PSPH: variants seen among roughly 807,000 people sequenced by gnomAD.
PSPH encodes the protein L-3-phosphoserine phosphatase.
A neutral mutation model predicts 23.4 loss-of-function variants in PSPH; 16 were observed. That is an observed-to-expected ratio of 0.68 (90% CI 0.46 to 1.04). PSPH has a LOEUF of 1.04. PSPH is among the 50% of genes least tolerant of loss of function. The pLI is 0.00. For missense variants in PSPH, 223 were observed against 273.7 expected, an observed-to-expected ratio of 0.81 and a Z score of 1.31; for synonymous variants, 68 against 99.7, an observed-to-expected ratio of 0.68 and a Z score of 1.89.
chr7:56,029,982 A>C (rs1038766299), intron 3 of PSPH, among the ~76,000 whole-genome samples: 9 of 145,520 alleles, frequency 6.2e-5, no homozygotes, highest in Admixed American at 6.9e-5. Context: ...CCATCTCAAA[A>C]AAAAAAAAAG....
intron 4 of PSPH, among the ~76,000 whole-genome samples, chr7:56,020,287 A>C (rs1789183734): frequency 1.3e-5 from 2 of 152,100 alleles, no homozygotes; most frequent in Non-Finnish European, 2.9e-5. Flanking sequence ...GTCATAAATC[A>C]AGAAAGAGAC....
At chr7:56,039,148 CAAA>C (rs34620559) in intron 1 of PSPH, among the ~76,000 whole-genome samples, 3 of 56,618 alleles carry the variant, frequency 5.3e-5, no homozygotes, top group Admixed American at 1.9e-4. Context: ...AACTCTGTCT[CAAA>C]AAAAAAAAAA....
chr7:56,011,067 T>C lies in PSPH; in HGVS notation c.*695A>G, dbSNP rs201698440. The C allele has an allele frequency of 1.3e-5, 2 of 152,596 alleles. No individual in the cohort carries two copies. Among genetic ancestry groups the C allele is most frequent in the Admixed American group, 1.3e-4 (2 of 15,280 alleles). 9.5% of individuals were successfully genotyped at this position (152,596 alleles called of 1,614,324 possible). ...AACTGAAAATTCCACAAATCCGTTC[T>C]GACATACGGATAAACTTTTATTGAC... is the stretch of plus-strand genomic sequence containing the variant. On this transcript the variant is annotated 3_prime_UTR_variant, in exon 8 of 8. Transcript: ENST00000275605.
intron 1 of PSPH, among the ~76,000 whole-genome samples, chr7:56,040,401 A>T (rs2117081697): frequency 6.6e-6 from 1 of 151,706 alleles, no homozygotes; most frequent in African/African-American, 2.4e-5. Context: ...ATTTATTTTT[A>T]TTTTTTTGGG....
Position 56,051,191 on chromosome 7 carries a change from A to G in PSPH, c.-345T>C, listed in dbSNP as rs969867996. 2.6e-5 allele frequency: 4 copies of G among 152,290 alleles called. No homozygotes were observed. The highest frequency in any genetic ancestry group is 7.2e-5 in the African/African-American group (3 of 41,470). The allele number at this position is 152,290 out of a possible 1,614,324, so 9.4% of individuals were successfully genotyped here. A position where few individuals can be genotyped will look rare whatever the true frequency, so the allele number is the denominator to read the frequency against. Reference sequence around the variant, plus strand: ...AATGACTCTACAAGGGTGAATTTTCAAATCTGCCATAGGGGCCTCGGGCCT... The same window carrying G: ...AATGACTCTACAAGGGTGAATTTTCGAATCTGCCATAGGGGCCTCGGGCCT... On this transcript the variant is annotated 5_prime_UTR_variant, in exon 1 of 8. Transcript: ENST00000275605.
intron 5 of PSPH, among the ~76,000 whole-genome samples, chr7:56,018,216 T>C (rs1286214613): frequency 6.6e-6 from 1 of 152,006 alleles, no homozygotes; most frequent in Non-Finnish European, 1.5e-5. Flanking sequence ...TGTTGGCACA[T>C]GCCTGTAATC....
intron 1 of PSPH, among the ~76,000 whole-genome samples, chr7:56,037,871 C>G (rs1791941351): frequency 6.6e-6 from 1 of 151,452 alleles, no homozygotes; most frequent in African/African-American, 2.4e-5. Context: ...CACCACCATG[C>G]CCGGCTAATT....
chr7:56,047,241 A>T (rs1793366241), intron 1 of PSPH, among the ~76,000 whole-genome samples: 1 of 152,006 alleles, frequency 6.6e-6, no homozygotes. Context: ...AAAAGTTTTA[A>T]ATTAGCCAGC....
Position 56,015,018 on chromosome 7 carries a change from C to G in PSPH, c.570+5G>C, listed in dbSNP as rs373367280. On this transcript the variant is annotated splice_donor_5th_base_variant and intron_variant, in intron 7 of 7. Coordinates refer to ENST00000275605, the MANE Select transcript of PSPH (RefSeq NM_004577.4). ...TGAAAAAAAATTAGCACCCTTAATA[C>G]ATACAGCAGGAGGACAGGCTTCCAT... 44 of 1,613,388 alleles carry G rather than the reference C, an allele frequency of 2.7e-5. No individual in the cohort carries two copies. Among genetic ancestry groups the G allele is most frequent in the Non-Finnish European group, 3.5e-5 (41 of 1,179,686 alleles).
At chr7:56,016,745 A>AT (rs1006398561) in intron 6 of PSPH, among the ~76,000 whole-genome samples, 122 of 145,244 alleles carry the variant, frequency 8.4e-4, no homozygotes, top group East Asian at 3.0e-3. Context: ...TAATTTTTGT[A>AT]TTTTTTTTTT....
intron 1 of PSPH, among the ~76,000 whole-genome samples, chr7:56,048,919 G>T (rs1351394881): frequency 1.2e-4 from 18 of 149,742 alleles, no homozygotes; most frequent in Non-Finnish European, 1.5e-5. Flanking sequence ...GGGTTTTTTT[G>T]GTGGTTGTTT....
intron 3 of PSPH, among the ~76,000 whole-genome samples, chr7:56,030,425 A>G (rs906836771): frequency 1.6e-4 from 23 of 147,832 alleles, no homozygotes; most frequent in African/African-American, 5.2e-4. Flanking sequence ...TGCCCGGCCT[A>G]AAAAAAAAAG....
chr7:56,012,390 C>T (rs772781819), intron 7 of PSPH, among the ~76,000 whole-genome samples: 9 of 152,020 alleles, frequency 5.9e-5, no homozygotes, highest in Non-Finnish European at 1.0e-4. Context: ...CCACGTTGCT[C>T]AGCTGGTCTT....
intron 3 of PSPH, among the ~76,000 whole-genome samples, chr7:56,029,992 G>GA (rs57929950): frequency 6.9e-4 from 85 of 122,966 alleles, no homozygotes; most frequent in Admixed American, 1.6e-3. Flanking sequence ...AAAAAAAAAA[G>GA]AAAAAAAAAA....
At chr7:56,020,692 G>C (rs1462862267) in intron 4 of PSPH, among the ~76,000 whole-genome samples, 1 of 152,072 alleles carries the variant, frequency 6.6e-6, no homozygotes, top group African/African-American at 2.4e-5. Context: ...GAGGTCCCCA[G>C]CTGCAGGGCG....
rs987002611 is a variant in PSPH at position 56,035,830 on chromosome 7, G to A, written c.-291-1724C>T. On this transcript the variant is annotated intron_variant, in intron 1 of 7. Transcript: ENST00000275605. ...AGATGGGGTTTCACCATGTTGGCCA[G>A]GCTGGTCTCAAACTCCTGACCTCAA... Among the ~76,000 whole-genome samples, 9 of 152,072 alleles carry A rather than the reference G, an allele frequency of 5.9e-5. No individual in the cohort carries two copies. The South Asian group carries it at 1.5e-3, about 25-fold the overall frequency.
At chr7:56,038,754 G>A (rs1225746866) in intron 1 of PSPH, among the ~76,000 whole-genome samples, 1 of 151,852 alleles carries the variant, frequency 6.6e-6, no homozygotes, top group Non-Finnish European at 1.5e-5. Context: ...GCTGAGGTGG[G>A]AGGATGGCTT....
chr7:56,038,549 A>C (rs1255980186), intron 1 of PSPH, among the ~76,000 whole-genome samples: 1 of 152,068 alleles, frequency 6.6e-6, no homozygotes, highest in African/African-American at 2.4e-5. Flanking sequence ...AACTTGCATG[A>C]GTAAGCTGGG....
At chr7:56,024,354 G>A (rs1284999078) in intron 3 of PSPH, among the ~76,000 whole-genome samples, 5 of 148,974 alleles carry the variant, frequency 3.4e-5, no homozygotes, top group Admixed American at 6.7e-5. Context: ...TGGGACTACA[G>A]GTGTGAGCCA....
Sources: gnomAD v4.1 joint callset for allele counts (sites outside exome capture counted in the v4.1 genomes callset) on GRCh38, gnomAD v4.1.1 for gene constraint, MANE v1.5 for transcripts, NCBI Gene and HGNC (gene_info 2026-07-23, HGNC 2026-07-21) for gene names.